Variants in KITLG observed in about 807,000 individuals in gnomAD.
The protein encoded by KITLG is c-Kit ligand.
Under a neutral mutation model 34.1 loss-of-function variants are expected in KITLG, and 13 were observed. That is an observed-to-expected ratio of 0.38 (90% CI 0.25 to 0.61). The LOEUF is 0.61. Ranked by LOEUF, KITLG falls within the 20% of genes least tolerant of loss-of-function variation. The pLI is 0.60. For synonymous variants in KITLG, 110 were observed against 104.0 expected (o/e 1.06, Z -0.35); for missense variants, 292 against 318.9 (o/e 0.92, Z 0.64).
intron 1 of KITLG, 57 bp downstream of exon 1, chr12:88,580,207 G>A: frequency 1.9e-6 from 3 of 1,566,506 alleles, no homozygotes; most frequent in Middle Eastern, 1.7e-4. Context: ...CTTCCCCGGG[G>A]CACCGGGCGC....
intron 1 of KITLG, among the ~76,000 whole-genome samples, chr12:88,556,224 A>G (rs1422957860): frequency 6.6e-6 from 1 of 151,680 alleles, no homozygotes; most frequent in African/African-American, 2.4e-5. Flanking sequence ...TAAGCAAAAA[A>G]AAAAAAAAAG....
chr12:88,532,921 T>C (rs1377248497), intron 2 of KITLG, among the ~76,000 whole-genome samples: 1 of 152,098 alleles, frequency 6.6e-6, no homozygotes, highest in East Asian at 1.9e-4. Flanking sequence ...GTGCCAGCAA[T>C]AGGGAATCTG....
At chr12:88,506,063 A>T (rs1869044561) in intron 8 of KITLG, among the ~76,000 whole-genome samples, 1 of 152,214 alleles carries the variant, frequency 6.6e-6, no homozygotes, top group Non-Finnish European at 1.5e-5. Flanking sequence ...ATAAGAAAGC[A>T]GAGGTAACCC....
chr12:88,576,472 C>G (rs1348505908), intron 1 of KITLG, among the ~76,000 whole-genome samples: 1 of 152,138 alleles, frequency 6.6e-6, no homozygotes, highest in East Asian at 1.9e-4. Flanking sequence ...TAAATTCAAA[C>G]TGTACATATA....
rs1868493163 is a variant in KITLG at position 88,493,649 on chromosome 12, A to G, written c.*3570T>C. ...CCCCTTTATAAATTGATTCTAAAAT[A>G]TCTTTTGGCATTCAAAACCTTCATG... On this transcript the variant is annotated 3_prime_UTR_variant, in exon 10 of 10. Coordinates refer to ENST00000644744, the MANE Select transcript of KITLG (RefSeq NM_000899.5). 3.3e-5 allele frequency: 5 copies of G among 151,978 alleles called. No individual in the cohort carries two copies. The highest frequency in any genetic ancestry group is 3.3e-4 in the Admixed American group (5 of 15,224). The allele number at this position is 151,978 out of a possible 1,614,324, so 9.4% of individuals were successfully genotyped here. A position where few individuals can be genotyped will look rare whatever the true frequency, so the allele number is the denominator to read the frequency against.
chr12:88,576,128 T>G (rs2120994698), intron 1 of KITLG, among the ~76,000 whole-genome samples: 1 of 152,290 alleles, frequency 6.6e-6, no homozygotes, highest in African/African-American at 2.4e-5. Context: ...AATATGAAAC[T>G]GAGTCAGCGA....
At chr12:88,520,103 G>A (rs1281256757) in intron 3 of KITLG, among the ~76,000 whole-genome samples, 1 of 152,180 alleles carries the variant, frequency 6.6e-6, no homozygotes, top group African/African-American at 2.4e-5. Context: ...TCTGGCTTCA[G>A]ATAAGAAGGA....
chr12:88,536,318 A>C (rs1870314901), intron 2 of KITLG, among the ~76,000 whole-genome samples: 1 of 152,178 alleles, frequency 6.6e-6, no homozygotes, highest in African/African-American at 2.4e-5. Flanking sequence ...ACTAATCAAC[A>C]GAGAAATGCA....
intron 6 of KITLG, among the ~76,000 whole-genome samples, chr12:88,508,643 T>C (rs1489191477): frequency 2.0e-5 from 3 of 150,770 alleles, no homozygotes; most frequent in Non-Finnish European, 4.4e-5. Flanking sequence ...ACGTAGGGAG[T>C]TGTCAGAAAT....
intron 1 of KITLG, among the ~76,000 whole-genome samples, chr12:88,576,046 G>C (rs937192930): frequency 6.6e-6 from 1 of 152,010 alleles, no homozygotes; most frequent in African/African-American, 2.4e-5. Flanking sequence ...AGTCTCTTTA[G>C]TCCAAAATAA....
chr12:88,558,189 T>C (rs1348383211), intron 1 of KITLG, among the ~76,000 whole-genome samples: 1 of 152,096 alleles, frequency 6.6e-6, no homozygotes, highest in African/African-American at 2.4e-5. Flanking sequence ...AATGTGCTCA[T>C]ATGTATTTTC....
intron 2 of KITLG, 46 bp from the exon 3 acceptor site, chr12:88,532,549 CAATT>C (rs767806074): frequency 7.8e-7 from 1 of 1,278,470 alleles, no homozygotes; most frequent in Non-Finnish European, 1.1e-6. Flanking sequence ...TCTTATACAT[CAATT>C]AATCATATTT....
intron 3 of KITLG, among the ~76,000 whole-genome samples, chr12:88,527,432 C>G (rs1869915344): frequency 6.6e-6 from 1 of 152,094 alleles, no homozygotes; most frequent in African/African-American, 2.4e-5. Context: ...TTGTGCATAC[C>G]TGAGGAAGGG....
intron 9 of KITLG, among the ~76,000 whole-genome samples, chr12:88,504,669 C>A (rs1422239821): frequency 6.6e-6 from 1 of 152,114 alleles, no homozygotes; most frequent in African/African-American, 2.4e-5. Flanking sequence ...GTTGGTGGGA[C>A]TGTAAAGTAG....
chr12:88,518,143 G>A (rs546757125), intron 4 of KITLG, among the ~76,000 whole-genome samples: 6 of 152,032 alleles, frequency 3.9e-5, no homozygotes, highest in Non-Finnish European at 7.4e-5. Flanking sequence ...AAGAAGTTAC[G>A]CTCACAGAAC....
intron 1 of KITLG, 139 bp downstream of exon 1, chr12:88,580,125 C>G: frequency 1.1e-6 from 1 of 915,652 alleles, no homozygotes; most frequent in Non-Finnish European, 1.7e-6. Flanking sequence ...CGCCGGCCTC[C>G]CCCGCATCCT....
At chr12:88,513,257 A>C (rs1374644419) in intron 6 of KITLG, among the ~76,000 whole-genome samples, 3 of 151,764 alleles carry the variant, frequency 2.0e-5, no homozygotes, top group African/African-American at 7.2e-5. Flanking sequence ...TAATTTCCAA[A>C]ATAACCACAA....
intron 3 of KITLG, among the ~76,000 whole-genome samples, chr12:88,524,934 C>T (rs980209916): frequency 6.6e-5 from 10 of 152,104 alleles, no homozygotes; most frequent in African/African-American, 2.4e-4. Flanking sequence ...AGGAGTGGAG[C>T]CTCAGAATCC....
chr12:88,513,845 T>C (rs1169605672), intron 6 of KITLG, among the ~76,000 whole-genome samples: 1 of 151,634 alleles, frequency 6.6e-6, no homozygotes, highest in African/African-American at 2.4e-5. Flanking sequence ...CTTTTCTCAA[T>C]AATTAATAAA....
Sources: gnomAD v4.1 joint callset for allele counts (sites outside exome capture counted in the v4.1 genomes callset) on GRCh38, gnomAD v4.1.1 for gene constraint, MANE v1.5 for transcripts, NCBI Gene and HGNC (gene_info 2026-07-23, HGNC 2026-07-21) for gene names.